Variants in CCNH observed in about 807,000 individuals in gnomAD.
The protein encoded by CCNH is cyclin-H.
Under a neutral mutation model 41.9 loss-of-function variants are expected in CCNH, and 31 were observed. The observed-to-expected ratio is 0.74, with a 90% CI of 0.56 to 1.00. The LOEUF (loss-of-function observed/expected upper bound fraction) is 1.00, where lower values mean the gene tolerates loss of function less well. Ranked by LOEUF, CCNH falls within the 50% of genes least tolerant of loss-of-function variation. CCNH has a pLI of 0.00. For synonymous variants in CCNH, 138 were observed against 136.1 expected (o/e 1.01, Z -0.10); for missense variants, 362 against 388.4 (o/e 0.93, Z 0.57).
chr5:87,406,673 TC>T lies in CCNH; in HGVS notation c.525+1302del, dbSNP rs776354310. ...AAAGTGTAATCCCAAGTACTTTTAG[TC>T]CCAAATTTTTTAGATAAGGGATACT... On this transcript the variant is annotated intron_variant, in intron 4 of 8. Coordinates refer to ENST00000256897, the MANE Select transcript of CCNH (RefSeq NM_001239.4). 1.5e-3 allele frequency among the ~76,000 whole-genome samples: 228 copies of T among 151,874 alleles called. 1 individual carries two copies. The highest frequency in any genetic ancestry group is 1.0e-3 in the Non-Finnish European group (68 of 67,928).
intron 9 of CCNH, among the ~76,000 whole-genome samples, chr5:87,364,711 C>T (rs1561312433): frequency 6.6e-6 from 1 of 152,016 alleles, no homozygotes; most frequent in Non-Finnish European, 1.5e-5. Flanking sequence ...TGAATCCTTC[C>T]TCAAACCAGT....
chr5:87,371,161 C>A (rs1301109188), intron 9 of CCNH, among the ~76,000 whole-genome samples: 2 of 151,998 alleles, frequency 1.3e-5, no homozygotes, highest in Non-Finnish European at 2.9e-5. Flanking sequence ...GCATGTTTTG[C>A]AAGCCTAACA....
rs1213425729 is a variant in CCNH, at chr5:87,408,094, T to C, written c.407A>G (p.Gln136Arg). Residue 136 changes from glutamine to arginine, a missense_variant, in exon 4 of 9, where the codon CAG becomes CGG. By Grantham distance (43) the Gln-to-Arg change is conservative (BLOSUM62 1). Coordinates refer to ENST00000256897, the MANE Select transcript of CCNH (RefSeq NM_001239.4). ...CAGTATCTGTTCAAGTGCCTTCTCC[T>C]GTCCAAGAGGACTCTCCCGGAGGTT... The part of the protein sequence containing the change: ...VGNLRESPLG[Q>R]EKALEQILEY... 3.1e-6 allele frequency: 5 copies of C among 1,613,232 alleles called. No homozygotes were observed. The highest frequency in any genetic ancestry group is 8.5e-7 in the Non-Finnish European group (1 of 1,179,260).
At chr5:87,372,058 A>C, downstream of CCNH, 1 of 1,455,506 alleles carries the variant, frequency 6.9e-7, no homozygotes, top group Non-Finnish European at 9.4e-7. Flanking sequence ...AACCTAACTG[A>C]TGATTTGGAA....
chr5:87,395,217 C>A, intron 7 of CCNH, 113 bp from the exon 8 acceptor site: 5 of 773,174 alleles, frequency 6.5e-6, no homozygotes, highest in South Asian at 4.5e-5. Context: ...AACAACAAGG[C>A]CAGGATAAAT....
intron 8 of CCNH, chr5:87,394,788 A>G: frequency 7.4e-7 from 1 of 1,343,036 alleles, no homozygotes; most frequent in Non-Finnish European, 9.5e-7. Flanking sequence ...TAAGAAAAAA[A>G]GCAAAAATGT....
chr5:87,360,230 G>A (rs375050186), intron 9 of CCNH, among the ~76,000 whole-genome samples: 8 of 151,208 alleles, frequency 5.3e-5, no homozygotes, highest in Middle Eastern at 3.4e-3. Flanking sequence ...GGGTTCAAGC[G>A]ATTCTCCTCC....
At chr5:87,362,066 T>A (rs1042606458) in intron 9 of CCNH, among the ~76,000 whole-genome samples, 1 of 152,146 alleles carries the variant, frequency 6.6e-6, no homozygotes, top group Non-Finnish European at 1.5e-5. Context: ...GTTAGGTATT[T>A]GAAGTGTGTA....
chr5:87,372,603 A>C (rs1165710847), downstream of CCNH, among the ~76,000 whole-genome samples: 3 of 152,194 alleles, frequency 2.0e-5, no homozygotes, highest in East Asian at 5.8e-4. Flanking sequence ...CCTACTGCTT[A>C]ACTCTTAGGA....
intron 9 of CCNH, among the ~76,000 whole-genome samples, chr5:87,321,861 T>C (rs1756840517): frequency 6.6e-6 from 1 of 152,236 alleles, no homozygotes; most frequent in Non-Finnish European, 1.5e-5. Flanking sequence ...GAGGGCATTA[T>C]GACCCACAGT....
intron 5 of CCNH, among the ~76,000 whole-genome samples, chr5:87,404,519 G>A (rs1170222996): frequency 6.6e-6 from 1 of 152,102 alleles, no homozygotes; most frequent in Non-Finnish European, 1.5e-5. Context: ...TCTACAGAAG[G>A]GGAATAAAGA....
chr5:87,388,415 C>T (rs996086605), downstream of CCNH, among the ~76,000 whole-genome samples: 1 of 152,162 alleles, frequency 6.6e-6, no homozygotes, highest in African/African-American at 2.4e-5. Flanking sequence ...TATCCCTAAT[C>T]TGAAATCTGA....
At chr5:87,407,854 G>A in intron 4 of CCNH, 122 bp downstream of exon 4, 1 of 706,318 alleles carries the variant, frequency 1.4e-6, no homozygotes, top group South Asian at 1.8e-5. Context: ...GACCAGGCCA[G>A]ACCCACAGGT....
At chr5:87,411,420 C>A in intron 1 of CCNH, 74 bp from the exon 2 acceptor site, 1 of 1,444,790 alleles carries the variant, frequency 6.9e-7, no homozygotes, top group Admixed American at 2.2e-5. Flanking sequence ...TTTTCTCTAT[C>A]TAGATTAAAT....
intron 9 of CCNH, among the ~76,000 whole-genome samples, chr5:87,339,591 CT>C (rs1332574229): frequency 6.6e-6 from 1 of 151,910 alleles, no homozygotes; most frequent in African/African-American, 2.4e-5. Context: ...ACAAGATAAC[CT>C]TTAAAGAAAA....
intron 9 of CCNH, among the ~76,000 whole-genome samples, chr5:87,356,407 G>A (rs551435339): frequency 1.3e-4 from 20 of 149,746 alleles, no homozygotes; most frequent in South Asian, 8.4e-4. Flanking sequence ...TTCTCCCTCC[G>A]GAGTCAGGGT....
chr5:87,316,961 C>G (rs1257189013), downstream of CCNH, among the ~76,000 whole-genome samples: 2 of 151,882 alleles, frequency 1.3e-5, no homozygotes, highest in Non-Finnish European at 2.9e-5. Flanking sequence ...CGGCTTACTG[C>G]AACCTCTACC....
rs758288921 is a variant in CCNH, at chr5:87,376,885, T to C, written n.296A>G. On this transcript the variant is annotated non_coding_transcript_exon_variant, in exon 1 of 1. Coordinates refer to the CCNH transcript ENST00000607486. ...TCTTTTAAAATGTCATTTTAGCTTA[T>C]ACTGCAAAAGGAACTTCATGTAGTC... The C allele has an allele frequency of 1.3e-5, 21 of 1,602,224 alleles. No homozygotes were observed. Among genetic ancestry groups the C allele is most frequent in the Admixed American group, 3.3e-5 (2 of 59,974 alleles).
chr5:87,388,714 A>AATGAG (rs534644924), downstream of CCNH, among the ~76,000 whole-genome samples: 1,370 of 152,318 alleles, frequency 9.0e-3, 1 homozygote, highest in African/African-American at 0.031. Flanking sequence ...AGATAATTGC[A>AATGAG]AACCTGACAG....
Sources: gnomAD v4.1 joint callset for allele counts (sites outside exome capture counted in the v4.1 genomes callset) on GRCh38, gnomAD v4.1.1 for gene constraint, MANE v1.5 for transcripts, NCBI Gene and HGNC (gene_info 2026-07-23, HGNC 2026-07-21) for gene names.